Variants in SPTLC1 observed in about 807,000 individuals in gnomAD.
SPTLC1 encodes serine palmitoyltransferase long chain base subunit 1, also known as serine palmitoyltransferase 1.
Under a neutral mutation model 68.9 loss-of-function variants are expected in SPTLC1, and 55 were observed. That is an observed-to-expected ratio of 0.80 (90% CI 0.64 to 1.00). SPTLC1 has a LOEUF of 1.00. Ranked by LOEUF, SPTLC1 falls within the 50% of genes least tolerant of loss-of-function variation. SPTLC1 has a pLI of 0.00. For missense variants in SPTLC1, 449 were observed against 573.1 expected, an observed-to-expected ratio of 0.78 and a Z score of 2.21; for synonymous variants, 197 against 201.6, an observed-to-expected ratio of 0.98 and a Z score of 0.19.
chr9:92,082,394 C>T (rs552276735), intron 3 of SPTLC1, among the ~76,000 whole-genome samples: 1 of 119,208 alleles, frequency 8.4e-6, no homozygotes, highest in Non-Finnish European at 1.7e-5. Context: ...TCCCCCTCCC[C>T]CCACCCCACA....
At chr9:92,079,037 C>G (rs748934156) in intron 5 of SPTLC1, 1 of 963,938 alleles carries the variant, frequency 1.0e-6, no homozygotes, top group Non-Finnish European at 1.2e-6. Context: ...TTTTATAAGC[C>G]AAAATGCTAT....
At chr9:92,106,446 C>G (rs1467567026) in intron 3 of SPTLC1, among the ~76,000 whole-genome samples, 1 of 148,202 alleles carries the variant, frequency 6.7e-6, no homozygotes, top group Non-Finnish European at 1.5e-5. Context: ...TGCACTCCAG[C>G]CTGGTGACAA....
Position 92,032,808 on chromosome 9 carries a change from G to A in SPTLC1, c.1329-250C>T, listed in dbSNP as rs550902330. On this transcript the variant is annotated intron_variant, in intron 14 of 14. Coordinates refer to ENST00000262554, the MANE Select transcript of SPTLC1 (RefSeq NM_006415.4). ...GGAGAATGGCGTGAACCTGGGAGGC[G>A]GAGCTAGCAGTGAGCCGAGATCGCG... is the stretch of plus-strand genomic sequence containing the variant. Among the ~76,000 whole-genome samples, 215 of 151,698 alleles carry A rather than the reference G, an allele frequency of 1.4e-3. 1 individual carries two copies. Among genetic ancestry groups the A allele is most frequent in the African/African-American group, 4.0e-3 (164 of 41,388 alleles).
chr9:92,108,796 A>G lies in SPTLC1; in HGVS notation c.204T>C (p.Pro68=). 1 of 1,605,374 alleles carries G rather than the reference A, an allele frequency of 6.2e-7. No individual in the cohort carries two copies. Among genetic ancestry groups the G allele is most frequent in the Non-Finnish European group, 8.5e-7 (1 of 1,175,244 alleles). ...EELIEEWQPE[P]LVPPVPKDHP... ...GGTCTTTTGGGACAGGAGGAACAAG[A>G]GGTTCTGGTTGCCACTCTTCAATCA... Residue 68 remains proline, a synonymous_variant, in exon 3 of 15, where the codon CCT becomes CCC. Coordinates refer to ENST00000262554, the MANE Select transcript of SPTLC1 (RefSeq NM_006415.4).
At chr9:92,100,296 C>T (rs936177635) in intron 3 of SPTLC1, among the ~76,000 whole-genome samples, 28 of 152,140 alleles carry the variant, frequency 1.8e-4, no homozygotes, top group African/African-American at 6.8e-4. Context: ...GGCTATACTG[C>T]CCCAGAGAAG....
At chr9:92,056,764 G>A (rs1218108388) in intron 7 of SPTLC1, among the ~76,000 whole-genome samples, 1 of 152,070 alleles carries the variant, frequency 6.6e-6, no homozygotes, top group East Asian at 1.9e-4. Context: ...ATGCTTTAAG[G>A]GGTATTTTAC....
chr9:92,038,429 AAAT>A (rs1318791437), intron 12 of SPTLC1, 64 bp from the exon 13 acceptor site: 1 of 1,063,518 alleles, frequency 9.4e-7, no homozygotes, highest in African/African-American at 1.6e-5. Context: ...GCTCACGGAG[AAAT>A]AATGTTAGAA....
intron 12 of SPTLC1, among the ~76,000 whole-genome samples, chr9:92,041,812 T>C (rs1352243567): frequency 6.6e-6 from 1 of 152,158 alleles, no homozygotes; most frequent in Non-Finnish European, 1.5e-5. Context: ...TGGTTTAACA[T>C]CAGAAAATAT....
Position 92,085,509 on chromosome 9 carries a change from C to G in SPTLC1, c.261-4546G>C, listed in dbSNP as rs1372573909. Among the ~76,000 whole-genome samples the G allele has an allele frequency of 1.4e-4, 21 of 151,532 alleles. No homozygotes were observed. The East Asian group carries it at 3.7e-3, about 27-fold the overall frequency. On this transcript the variant is annotated intron_variant, in intron 3 of 14. Transcript: ENST00000262554. ...TTCATTTCGTTATGTACCCAGTAGT[C>G]ATTCAGGAGCAGGTTGTTCAGTTTC...
intron 2 of SPTLC1, chr9:92,111,805 G>A (rs1028385279): frequency 6.6e-6 from 1 of 152,312 alleles, no homozygotes; most frequent in African/African-American, 2.4e-5. Flanking sequence ...AAAATTGTCT[G>A]CTGCAATGCA....
intron 5 of SPTLC1, chr9:92,079,671 G>GT (rs1210088845): frequency 2.0e-6 from 2 of 1,017,958 alleles, no homozygotes; most frequent in Non-Finnish European, 3.1e-6. Flanking sequence ...TGCGTGGCTA[G>GT]TCATGGCAGG....
At chr9:92,057,571 C>T (rs1587927369) in intron 7 of SPTLC1, among the ~76,000 whole-genome samples, 2 of 152,148 alleles carry the variant, frequency 1.3e-5, no homozygotes, top group African/African-American at 4.8e-5. Context: ...TTAGTGAGGC[C>T]AGGCTATTTT....
chr9:92,078,551 T>C (rs1019446612), intron 5 of SPTLC1, among the ~76,000 whole-genome samples: 1 of 152,138 alleles, frequency 6.6e-6, no homozygotes, highest in African/African-American at 2.4e-5. Context: ...CTCAACCTCC[T>C]AGGATCAAGG....
chr9:92,111,312 A>G (rs1836234704), intron 2 of SPTLC1: 1 of 152,160 alleles, frequency 6.6e-6, no homozygotes, highest in Non-Finnish European at 1.5e-5. Context: ...TATTTTACAC[A>G]CTAGTAGGAT....
chr9:92,050,551 G>A lies in SPTLC1; in HGVS notation c.781-484C>T, dbSNP rs114292550. On this transcript the variant is annotated intron_variant, in intron 8 of 14. Transcript: ENST00000262554. ...GTTCAGGCATGAGTGGTAGTGCAAT[G>A]AATCAACAGACATTAAATAAGACAC... is the stretch of plus-strand genomic sequence containing the variant. 2.3e-3 allele frequency: 365 copies of A among 161,326 alleles called. 1 individual carries two copies. The highest frequency in any genetic ancestry group is 8.1e-3 in the African/African-American group (336 of 41,598). 10.0% of individuals were successfully genotyped at this position (161,326 alleles called of 1,614,324 possible).
chr9:92,095,670 A>C (rs1369734774), intron 3 of SPTLC1, among the ~76,000 whole-genome samples: 32 of 152,262 alleles, frequency 2.1e-4, no homozygotes, highest in Admixed American at 2.1e-3. Context: ...CTCAGAAAGC[A>C]AATGCAAAAT....
At chr9:92,102,377 T>C (rs1270853932) in intron 3 of SPTLC1, among the ~76,000 whole-genome samples, 1 of 152,236 alleles carries the variant, frequency 6.6e-6, no homozygotes, top group Non-Finnish European at 1.5e-5. Context: ...CTGAGAATTC[T>C]ACATTACTGA....
intron 5 of SPTLC1, 132 bp downstream of exon 5, chr9:92,079,884 G>T: frequency 1.2e-6 from 1 of 802,012 alleles, no homozygotes. Context: ...CAAATTCCTG[G>T]GCTCAAGGAA....
chr9:92,090,177 C>A (rs945549639), intron 3 of SPTLC1, among the ~76,000 whole-genome samples: 2 of 152,140 alleles, frequency 1.3e-5, no homozygotes, highest in African/African-American at 4.8e-5. Flanking sequence ...GAAGGTGATT[C>A]TCAAATATAA....
Sources: gnomAD v4.1 joint callset for allele counts (sites outside exome capture counted in the v4.1 genomes callset) on GRCh38, gnomAD v4.1.1 for gene constraint, MANE v1.5 for transcripts, NCBI Gene and HGNC (gene_info 2026-07-23, HGNC 2026-07-21) for gene names.